TLR4: variants seen among roughly 807,000 people sequenced by gnomAD.
TLR4 encodes the protein toll-like receptor 4.
A neutral mutation model predicts 27.4 loss-of-function variants in TLR4; 17 were observed. The ratio of observed to expected loss-of-function variants is 0.62; its 90% CI spans 0.42 to 0.93. TLR4 has a LOEUF of 0.93. Among genes scored for constraint, TLR4 ranks in the 40% least tolerant of loss-of-function variants. TLR4 has a pLI of 0.00. For missense variants in TLR4, 926 were observed against 962.3 expected (o/e 0.96, Z 0.50); for synonymous variants, 363 against 365.7 (o/e 0.99, Z 0.08).
At position 117,716,550 on chromosome 9, in the gene TLR4, G is replaced by C. The variant is rs565831436; in HGVS notation, c.*1902G>C. On this transcript the variant is annotated 3_prime_UTR_variant, in exon 3 of 3. Coordinates refer to ENST00000355622, the MANE Select transcript of TLR4 (RefSeq NM_138554.5). ...GCAGAGAATAGAACAGTGGTTCCTA[G>C]GGAAAAGGAGGAAGGGAGAAATGAG... is the stretch of plus-strand genomic sequence containing the variant. 1 of 152,128 alleles carries C rather than the reference G, an allele frequency of 6.6e-6. No individual in the cohort carries two copies. The highest frequency in any genetic ancestry group is 1.5e-5 in the Non-Finnish European group (1 of 68,018). 9.4% of individuals were successfully genotyped at this position (152,128 alleles called of 1,614,324 possible).
At position 117,714,161 on chromosome 9, in the gene TLR4, T is replaced by C. The variant is rs751229651; in HGVS notation, c.2033T>C (p.Val678Ala). ...GRGENIYDAF[V>A]IYSSQDEDWV... Reference sequence around the variant, plus strand: ...GGTGAAAACATCTATGATGCCTTTGTTATCTACTCAAGCCAGGATGAGGAC... The same window carrying C: ...GGTGAAAACATCTATGATGCCTTTGCTATCTACTCAAGCCAGGATGAGGAC... Residue 678 changes from valine to alanine, a missense_variant, in exon 3 of 3, where the codon GTT (valine) becomes GCT (alanine). Transcript: ENST00000355622. 1 of 1,614,090 alleles carries C rather than the reference T, an allele frequency of 6.2e-7. No individual in the cohort carries two copies. The highest frequency in any genetic ancestry group is 8.5e-7 in the Non-Finnish European group (1 of 1,180,000).
At chr9:117,709,739 G>A (rs914119898) in intron 2 of TLR4, among the ~76,000 whole-genome samples, 2 of 152,100 alleles carry the variant, frequency 1.3e-5, no homozygotes, top group Non-Finnish European at 2.9e-5. Context: ...CTGTAGAAGA[G>A]TGAGCATACG....
intron 2 of TLR4, among the ~76,000 whole-genome samples, chr9:117,710,067 G>C (rs1489916152): frequency 1.3e-5 from 2 of 151,768 alleles, no homozygotes; most frequent in African/African-American, 2.4e-5. Context: ...AATTTCATTA[G>C]GTTTTTAAAA....
Position 117,723,895 on chromosome 9 carries a change from C to T in TLR4, c.*9247C>T, listed in dbSNP as rs923670701. The stretch of plus-strand genomic sequence containing the variant: ...TCTCCCAGGCTCCTACACTGTTAGT[C>T]ACAGAGGTACCATTCGACCCCTTGT... On this transcript the variant is annotated 3_prime_UTR_variant, in exon 3 of 3. Coordinates refer to ENST00000355622, the MANE Select transcript of TLR4 (RefSeq NM_138554.5). 1 of 152,192 alleles carries T rather than the reference C, an allele frequency of 6.6e-6. No individual in the cohort carries two copies. The highest frequency in any genetic ancestry group is 2.4e-5 in the African/African-American group (1 of 41,450). 9.4% of individuals were successfully genotyped at this position (152,192 alleles called of 1,614,324 possible).
Position 117,713,649 on chromosome 9 carries a change from A to G in TLR4, c.1521A>G (p.Gln507=), listed in dbSNP as rs139649148. Residue 507 remains glutamine, a synonymous_variant, in exon 3 of 3, where the codon CAA becomes CAG. Transcript: ENST00000355622. ...CCTTCCTGGACCTCTCTCAGTGTCA[A>G]CTGGAGCAGTTGTCTCCAACAGCAT... ...NLTFLDLSQC[Q]LEQLSPTAFN... is the part of the protein sequence containing the mutation. The G allele has an allele frequency of 9.4e-5, 152 of 1,613,984 alleles. 1 individual carries two copies. Among genetic ancestry groups the G allele is most frequent in the Non-Finnish European group, 1.2e-5 (14 of 1,180,022 alleles).
Position 117,718,422 on chromosome 9 carries a change from T to G in TLR4, c.*3774T>G, listed in dbSNP as rs888916112. ...ATAACCCTATCTTTCCATAAAGGACTTGAAGGAGCTTCAAACAAAGGATAT... is the reference window on the plus strand; with the variant it reads ...ATAACCCTATCTTTCCATAAAGGACGTGAAGGAGCTTCAAACAAAGGATAT... On this transcript the variant is annotated 3_prime_UTR_variant, in exon 3 of 3. Coordinates refer to ENST00000355622, the MANE Select transcript of TLR4 (RefSeq NM_138554.5). The G allele has an allele frequency of 6.6e-6, 1 of 152,166 alleles. No individual in the cohort carries two copies. Among genetic ancestry groups the G allele is most frequent in the African/African-American group, 2.4e-5 (1 of 41,432 alleles). 9.4% of individuals were successfully genotyped at this position (152,166 alleles called of 1,614,324 possible).
chr9:117,723,357 C>A lies in TLR4; in HGVS notation c.*8709C>A, dbSNP rs1829443518. 6.6e-6 allele frequency: 1 copy of A among 152,098 alleles called. No homozygotes were observed. The highest frequency in any genetic ancestry group is 2.4e-5 in the African/African-American group (1 of 41,400). 9.4% of individuals were successfully genotyped at this position (152,098 alleles called of 1,614,324 possible). A position where few individuals can be genotyped will look rare whatever the true frequency, so the allele number is the denominator to read the frequency against. On this transcript the variant is annotated 3_prime_UTR_variant, in exon 3 of 3. Coordinates refer to ENST00000355622, the MANE Select transcript of TLR4 (RefSeq NM_138554.5). ...TCTGAAAAGGATTAAGCTATCAACCCCATTGAGTTATAGGTGAAAGGCTGT... is the reference window on the plus strand; with the variant it reads ...TCTGAAAAGGATTAAGCTATCAACCACATTGAGTTATAGGTGAAAGGCTGT...
In TLR4 at chr9:117,712,898, G is replaced by A. The variant is rs199666264; in HGVS notation, c.770G>A (p.Arg257His). 3.3e-5 allele frequency: 54 copies of A among 1,614,026 alleles called. No individual in the cohort carries two copies. Among genetic ancestry groups the A allele is most frequent in the Non-Finnish European group, 4.1e-5 (48 of 1,179,976 alleles). The part of the protein sequence containing the change: ...IQGLAGLEVH[R>H]LVLGEFRNEG... Reference sequence around the variant, plus strand: ...GGTCTGGCTGGTTTAGAAGTCCATCGTTTGGTTCTGGGAGAATTTAGAAAT... The same window carrying A: ...GGTCTGGCTGGTTTAGAAGTCCATCATTTGGTTCTGGGAGAATTTAGAAAT... Residue 257 changes from arginine to histidine, a missense_variant, in exon 3 of 3, where the codon CGT becomes CAT. Arg to His is a conservative substitution (Grantham distance 29, BLOSUM62 0). Transcript: ENST00000355622.
chr9:117,709,195 T>G (rs1322712657), intron 2 of TLR4, among the ~76,000 whole-genome samples: 1 of 152,160 alleles, frequency 6.6e-6, no homozygotes, highest in East Asian at 1.9e-4. Context: ...ATTTTAATTA[T>G]GATTTTTTGG....
rs1829320108 is a variant in TLR4 at position 117,715,085 on chromosome 9, T to G, written c.*437T>G. 1 of 205,080 alleles carries G rather than the reference T, an allele frequency of 4.9e-6. No homozygotes were observed. Among genetic ancestry groups the G allele is most frequent in the African/African-American group, 2.3e-5 (1 of 42,760 alleles). The allele number at this position is 205,080 out of a possible 1,614,324, so 12.7% of individuals were successfully genotyped here. On this transcript the variant is annotated 3_prime_UTR_variant, in exon 3 of 3. Coordinates refer to ENST00000355622, the MANE Select transcript of TLR4 (RefSeq NM_138554.5). ...TTTTGATTGAATACAATTTAAATTC[T>G]ACTTGATGACTGCAGTCGTCAAGGG...
Position 117,712,413 on chromosome 9 carries a change from T to C in TLR4, c.285T>C (p.Asp95=), listed in dbSNP as rs1429097276. The C allele has an allele frequency of 6.2e-7, 1 of 1,613,768 alleles. No homozygotes were observed. Among genetic ancestry groups the C allele is most frequent in the Admixed American group, 1.7e-5 (1 of 59,946 alleles). ...LSRCEIQTIE[D]GAYQSLSHLS... is the part of the protein sequence containing the mutation. ...GGTGTGAAATCCAGACAATTGAAGA[T>C]GGGGCATATCAGAGCCTAAGCCACC... Residue 95 remains aspartate, a synonymous_variant, in exon 3 of 3, where the codon GAT becomes GAC. Coordinates refer to ENST00000355622, the MANE Select transcript of TLR4 (RefSeq NM_138554.5).
chr9:117,709,820 G>A (rs1175310563), intron 2 of TLR4, among the ~76,000 whole-genome samples: 1 of 152,048 alleles, frequency 6.6e-6, no homozygotes, highest in Non-Finnish European at 1.5e-5. Flanking sequence ...AAAGGCAGTG[G>A]TATAGTGCAT....
intron 2 of TLR4, among the ~76,000 whole-genome samples, chr9:117,711,190 C>T (rs1298448674): frequency 4.6e-5 from 7 of 152,188 alleles, no homozygotes; most frequent in African/African-American, 1.4e-4. Context: ...ACTATACTGC[C>T]TATCCTTTAT....
intron 1 of TLR4, among the ~76,000 whole-genome samples, chr9:117,707,769 A>C (rs1168867886): frequency 2.6e-5 from 4 of 152,220 alleles, no homozygotes; most frequent in African/African-American, 9.6e-5. Context: ...AGGGTCAATG[A>C]GCCAAGAAAA....
intron 1 of TLR4, among the ~76,000 whole-genome samples, chr9:117,707,211 G>T (rs919807811): frequency 6.6e-6 from 1 of 152,186 alleles, no homozygotes; most frequent in African/African-American, 2.4e-5. Flanking sequence ...AGACAATATT[G>T]TCTTTGAGGC....
Position 117,714,040 on chromosome 9 carries a change from G to T in TLR4, c.1912G>T (p.Val638Phe). Residue 638 changes from valine to phenylalanine, a missense_variant, in exon 3 of 3, where the codon GTC (valine) becomes TTC (phenylalanine). Transcript: ENST00000355622. ...QMNKTIIGVSVLSVLVVSVVA... is the reference protein window; with the variant it reads ...QMNKTIIGVSFLSVLVVSVVA... ...GAATAAGACCATCATTGGTGTGTCG[G>T]TCCTCAGTGTGCTTGTAGTATCTGT... 1 of 1,613,912 alleles carries T rather than the reference G, an allele frequency of 6.2e-7. No individual in the cohort carries two copies. The highest frequency in any genetic ancestry group is 8.5e-7 in the Non-Finnish European group (1 of 1,179,974).
In TLR4 at chr9:117,721,291, A is replaced by AATT. The variant is rs1829420296; in HGVS notation, c.*6647_*6649dup. 1 of 152,168 alleles carries AATT rather than the reference A, an allele frequency of 6.6e-6. No homozygotes were observed. The highest frequency in any genetic ancestry group is 2.4e-5 in the African/African-American group (1 of 41,446). 9.4% of individuals were successfully genotyped at this position (152,168 alleles called of 1,614,324 possible). On this transcript the variant is annotated 3_prime_UTR_variant, in exon 3 of 3. Transcript: ENST00000355622. ...TTCATTCTCCATGTCCATGTCTACA[A>AATT]ATTATTTAGTTTCCACTCATAAGTG... is the stretch of plus-strand genomic sequence containing the variant.
Position 117,713,149 on chromosome 9 carries a change from A to G in TLR4, c.1021A>G (p.Lys341Glu), listed in dbSNP as rs1202183903. 1.2e-6 allele frequency: 2 copies of G among 1,613,406 alleles called. No individual in the cohort carries two copies. The highest frequency in any genetic ancestry group is 1.7e-5 in the Admixed American group (1 of 59,910). ...GWQHLELVNC[K>E]FGQFPTLKLK... ...GCAACATTTAGAATTAGTTAACTGT[A>G]AATTTGGACAGTTTCCCACATTGAA... is the stretch of plus-strand genomic sequence containing the variant. Residue 341 changes from lysine (K) to glutamate (E), a missense_variant, in exon 3 of 3, where the codon AAA becomes GAA. Transcript: ENST00000355622.
chr9:117,708,551 T>C lies in TLR4; in HGVS notation c.94-12T>C, dbSNP rs753254816. ...CAGTAAAGATACTTCATGTCATGTG[T>C]AATCATTGCAGGTGGTTCCTAATAT... On this transcript the variant is annotated splice_polypyrimidine_tract_variant and intron_variant, in intron 1 of 2. Transcript: ENST00000355622. 1 of 1,613,680 alleles carries C rather than the reference T, an allele frequency of 6.2e-7. No individual in the cohort carries two copies. The highest frequency in any genetic ancestry group is 1.7e-5 in the Admixed American group (1 of 59,996).
Sources: allele counts gnomAD v4.1 joint callset (sites outside exome capture counted in the v4.1 genomes callset), GRCh38; gene constraint gnomAD v4.1.1; transcripts MANE v1.5; gene names NCBI Gene and HGNC (gene_info 2026-07-23, HGNC 2026-07-21).